USP47: variants seen among roughly 807,000 people sequenced by gnomAD.
USP47 encodes ubiquitin specific peptidase 47.
In USP47, 35 loss-of-function variants were observed where a neutral mutation model predicts 165.1. The observed-to-expected ratio is 0.21, with a 90% CI of 0.16 to 0.28. The LOEUF (loss-of-function observed/expected upper bound fraction) is 0.28, where lower values mean the gene tolerates loss of function less well. Ranked by LOEUF, USP47 falls within the 10% of genes least tolerant of loss-of-function variation. The probability of loss-of-function intolerance (pLI) is 1.00; values close to 1 mark genes in which losing one functional copy is unlikely to be tolerated. For missense variants in USP47, 1,277 were observed against 1,607.4 expected (o/e 0.79, Z 3.52); for synonymous variants, 531 against 544.5 (o/e 0.98, Z 0.35).
rs1190117268 is a variant in USP47 at position 11,957,115 on chromosome 11, AGCGGCTTCAATT to A, written c.*941_*952del. ...CCTTGTTAATGAGGTTTCTCTGTTC[AGCGGCTTCAATT>A]TTTTTCTCTTTGTACATCTAGTTTT... On this transcript the variant is annotated 3_prime_UTR_variant, in exon 28 of 28. Transcript: ENST00000527733. 6.6e-6 allele frequency: 1 copy of A among 152,198 alleles called. No individual in the cohort carries two copies. Among genetic ancestry groups the A allele is most frequent in the African/African-American group, 2.4e-5 (1 of 41,450 alleles). 9.4% of individuals were successfully genotyped at this position (152,198 alleles called of 1,614,324 possible). A position where few individuals can be genotyped will look rare whatever the true frequency, so the allele number is the denominator to read the frequency against.
At chr11:11,851,259 A>G (rs992768016) in intron 1 of USP47, among the ~76,000 whole-genome samples, 5 of 145,348 alleles carry the variant, frequency 3.4e-5, no homozygotes, top group African/African-American at 1.2e-4. Flanking sequence ...TTCAAATTCA[A>G]TTGAGCATGT....
rs61870733 is a variant in USP47 at position 11,929,390 on chromosome 11, G to A, written c.1387-44G>A. On this transcript the variant is annotated intron_variant, in intron 11 of 27. Transcript: ENST00000527733. Reference sequence around the variant, plus strand: ...AATAGGAAATACACAAATAAGGGTTGTGTTTTCCTTCTCCTCTGAGTTACT... The same window carrying A: ...AATAGGAAATACACAAATAAGGGTTATGTTTTCCTTCTCCTCTGAGTTACT... 13,636 of 1,598,650 alleles carry A rather than the reference G, an allele frequency of 8.5e-3. 91 individuals are homozygous for A. The highest frequency in any genetic ancestry group is 9.2e-3 in the Non-Finnish European group (10,852 of 1,173,208).
intron 11 of USP47, among the ~76,000 whole-genome samples, chr11:11,927,176 T>A (rs1415438463): frequency 6.6e-6 from 1 of 152,090 alleles, no homozygotes; most frequent in Non-Finnish European, 1.5e-5. Context: ...ATAATTCTTA[T>A]CCTTGTTCCT....
At chr11:11,864,664 T>C (rs1207094465) in intron 1 of USP47, among the ~76,000 whole-genome samples, 1 of 152,094 alleles carries the variant, frequency 6.6e-6, no homozygotes, top group African/African-American at 2.4e-5. Flanking sequence ...GTCCTCAAGG[T>C]TTTTTCATAT....
At chr11:11,930,621 A>C (rs1854597248) in intron 13 of USP47, 75 bp from the exon 14 acceptor site, 1 of 1,108,684 alleles carries the variant, frequency 9.0e-7, no homozygotes, top group Non-Finnish European at 1.3e-6. Flanking sequence ...TCACAATTTA[A>C]ATATTTCATG....
rs1855545605 is a variant in USP47 at position 11,942,510 on chromosome 11, G to A, written c.2489G>A (p.Gly830Asp). 6.2e-7 allele frequency: 1 copy of A among 1,613,436 alleles called. No homozygotes were observed. The highest frequency in any genetic ancestry group is 1.7e-5 in the Admixed American group (1 of 59,864). Residue 830 changes from glycine to aspartate, a missense_variant, in exon 20 of 28, where the codon GGT (glycine) becomes GAT (aspartate). Around this residue, in one of 4 missense-constraint regions of USP47, gnomAD observed 909 missense variants for 1,068.1 expected, o/e 0.85. Coordinates refer to ENST00000527733, the MANE Select transcript of USP47 (RefSeq NM_001282659.2). ...TAYQKAGGDS[G>D]NVDDDCERVK... ...TACCAGAAAGCTGGAGGCGATTCTG[G>A]TAATGTGGATGATGACTGTGAAAGA...
chr11:11,849,832 A>G (rs1025914857), intron 1 of USP47, among the ~76,000 whole-genome samples: 4 of 152,118 alleles, frequency 2.6e-5, no homozygotes, highest in African/African-American at 9.7e-5. Flanking sequence ...AATTTTTTCA[A>G]GACTATACAT....
Position 11,938,325 on chromosome 11 carries a change from G to C in USP47, c.2146G>C (p.Ala716Pro). 4 of 1,612,108 alleles carry C rather than the reference G, an allele frequency of 2.5e-6. No individual in the cohort carries two copies. The highest frequency in any genetic ancestry group is 3.4e-6 in the Non-Finnish European group (4 of 1,178,796). The stretch of plus-strand genomic sequence containing the variant: ...TGTAGCTGCTCCTATAACTGTTCGT[G>C]CTTACTTAAATCAGACAGTTACAGA... ...ESVAAPITVRAYLNQTVTEFK... is the reference protein window; with the variant it reads ...ESVAAPITVRPYLNQTVTEFK... The change falls in exon 18 of 28, where the codon GCT (alanine) becomes CCT (proline). Residue 716 changes from alanine to proline, a missense_variant. Ala to Pro is a conservative substitution (Grantham distance 27). Transcript: ENST00000527733.
At chr11:11,883,259 G>T (rs1377939361) in intron 2 of USP47, among the ~76,000 whole-genome samples, 1 of 152,138 alleles carries the variant, frequency 6.6e-6, no homozygotes, top group African/African-American at 2.4e-5. Flanking sequence ...AAAGTTAAGA[G>T]GTAGATAATA....
intron 8 of USP47, among the ~76,000 whole-genome samples, chr11:11,907,548 C>T (rs866076651): frequency 6.6e-6 from 1 of 152,150 alleles, no homozygotes; most frequent in Admixed American, 6.5e-5. Context: ...CAAATATCAT[C>T]ATACAGCATC....
intron 3 of USP47, among the ~76,000 whole-genome samples, chr11:11,886,703 A>G (rs1315826513): frequency 1.3e-5 from 2 of 152,210 alleles, no homozygotes; most frequent in Non-Finnish European, 2.9e-5. Context: ...TTCCTAATCT[A>G]GCAAGACAGG....
At chr11:11,917,833 T>C (rs1792790411) in intron 8 of USP47, among the ~76,000 whole-genome samples, 3 of 152,152 alleles carry the variant, frequency 2.0e-5, no homozygotes, top group Admixed American at 1.3e-4. Context: ...GGACCAAGCA[T>C]ACCAGTCATA....
intron 11 of USP47, among the ~76,000 whole-genome samples, chr11:11,928,131 A>C (rs532984498): frequency 5.1e-4 from 78 of 151,840 alleles, no homozygotes; most frequent in Admixed American, 1.5e-3. Context: ...TTCTGTGTTT[A>C]TTTTTTTTCT....
intron 20 of USP47, among the ~76,000 whole-genome samples, chr11:11,947,109 C>T (rs898195068): frequency 6.6e-6 from 1 of 152,192 alleles, no homozygotes; most frequent in African/African-American, 2.4e-5. Flanking sequence ...AACTGAGAGT[C>T]TGGTTTCTGC....
intron 1 of USP47, among the ~76,000 whole-genome samples, chr11:11,864,994 A>T (rs1849589314): frequency 6.6e-6 from 1 of 152,012 alleles, no homozygotes; most frequent in African/African-American, 2.4e-5. Context: ...CTCTGTTGTG[A>T]TGTGATCAGA....
At chr11:11,875,869 C>T (rs1850378634) in intron 1 of USP47, among the ~76,000 whole-genome samples, 2 of 152,208 alleles carry the variant, frequency 1.3e-5, no homozygotes, top group African/African-American at 4.8e-5. Context: ...TGCCAAAGTG[C>T]AGTGATTACA....
chr11:11,926,340 C>A (rs1271391588), intron 11 of USP47, among the ~76,000 whole-genome samples: 2 of 152,140 alleles, frequency 1.3e-5, no homozygotes, highest in Non-Finnish European at 2.9e-5. Flanking sequence ...TTTTTGATTA[C>A]TGATTCAATC....
chr11:11,917,924 G>A (rs183688190), intron 8 of USP47, among the ~76,000 whole-genome samples: 1 of 152,174 alleles, frequency 6.6e-6, no homozygotes, highest in East Asian at 1.9e-4. Context: ...TTTGATTTAG[G>A]CAGGAATCTG....
chr11:11,934,708 G>A (rs1009148732), intron 16 of USP47, among the ~76,000 whole-genome samples: 1 of 152,096 alleles, frequency 6.6e-6, no homozygotes, highest in Non-Finnish European at 1.5e-5. Context: ...AGAAGTTTAC[G>A]TTTTGTTCTC....
Sources: gnomAD v4.1 joint callset for allele counts (sites outside exome capture counted in the v4.1 genomes callset) on GRCh38, gnomAD v4.1.1 for gene constraint, gnomAD v4.1.1 regional missense constraint, MANE v1.5 for transcripts, NCBI Gene and HGNC (gene_info 2026-07-23, HGNC 2026-07-21) for gene names.